Variants in KCNA3 observed in about 807,000 individuals in gnomAD.
The protein encoded by KCNA3 is potassium voltage-gated channel subfamily A member 3.
In KCNA3, 18 loss-of-function variants were observed where a neutral mutation model predicts 34.3. The observed-to-expected ratio is 0.52, with a 90% confidence interval of 0.36 to 0.78. KCNA3 has a LOEUF of 0.78. Ranked by LOEUF, KCNA3 falls within the 30% of genes least tolerant of loss-of-function variation. The pLI is 0.00. For missense variants in KCNA3, 587 were observed against 802.5 expected, an observed-to-expected ratio of 0.73 and a Z score of 3.24; for synonymous variants, 324 against 351.7, an observed-to-expected ratio of 0.92 and a Z score of 0.88.
Position 110,673,967 on chromosome 1 carries a change from C to A in KCNA3, c.843G>T (p.Thr281=), listed in dbSNP as rs753927047. The change falls in exon 1 of 1, where the codon ACG becomes ACT. Residue 281 remains threonine, a synonymous_variant. Transcript: ENST00000369769. This position sits in a 1 kb window ranked among gnomAD's most constrained non-coding sequence, Gnocchi z 8.8. ...QDSFEAAGNS[T]SGSRAGASSF... ...TGGAGGCTCCTGCGCGGGACCCCGACGTGCTGTTGCCGGCTGCTTCGAATG... is the reference window on the plus strand; with the variant it reads ...TGGAGGCTCCTGCGCGGGACCCCGAAGTGCTGTTGCCGGCTGCTTCGAATG... 5.0e-6 allele frequency: 8 copies of A among 1,613,776 alleles called. No homozygotes were observed. The African/African-American group carries it at 9.3e-5, about 19-fold the overall frequency.
At chr1:110,660,008 A>C in the KCNA3 span, among the ~76,000 whole-genome samples, 3 of 152,160 alleles carry the variant, frequency 2.0e-5, no homozygotes, top group South Asian at 2.1e-4. Flanking sequence ...GGGTGCAGCA[A>C]ACCAACATGA....
chr1:110,674,614 C>T lies in KCNA3; in HGVS notation c.196G>A (p.Val66Met). ...VPGDHLLEPE[V>M]ADGGGAPPQG... ...GGCGGGGCCCCTCCACCATCGGCCACCTCCGGCTCCAGCAGGTGGTCCCCG... is the reference window on the plus strand; with the variant it reads ...GGCGGGGCCCCTCCACCATCGGCCATCTCCGGCTCCAGCAGGTGGTCCCCG... Residue 66 changes from valine (V) to methionine (M), a missense_variant, in exon 1 of 1, where the codon GTG (valine) becomes ATG (methionine). By Grantham distance (21) the Val-to-Met change is conservative. Coordinates refer to ENST00000369769, the MANE Select transcript of KCNA3 (RefSeq NM_002232.5). The surrounding 1 kb of genome is among the most constrained non-coding windows in gnomAD (Gnocchi z 6.4). 4.5e-6 allele frequency: 7 copies of T among 1,558,098 alleles called. No homozygotes were observed. The highest frequency in any genetic ancestry group is 1.2e-5 in the South Asian group (1 of 84,322).
rs889078883 is a variant in KCNA3 at position 110,673,017 on chromosome 1, C to T, written c.*65G>A. 53 of 1,463,146 alleles carry T rather than the reference C, an allele frequency of 3.6e-5. No homozygotes were observed. Among genetic ancestry groups the T allele is most frequent in the Non-Finnish European group, 4.8e-5 (51 of 1,069,564 alleles). 90.6% of individuals were successfully genotyped at this position (1,463,146 alleles called of 1,614,324 possible). A position where few individuals can be genotyped will look rare whatever the true frequency, so the allele number is the denominator to read the frequency against. ...GGTCTGGAAATGTATAAAACAAGGG[C>T]ATAGGCAGACCAAGGGGGCACGTTC... On this transcript the variant is annotated 3_prime_UTR_variant, in exon 1 of 1. Transcript: ENST00000369769. The surrounding 1 kb of genome is among the most constrained non-coding windows in gnomAD (Gnocchi z 8.8).
downstream of KCNA3, among the ~76,000 whole-genome samples, chr1:110,670,132 A>G (rs1651830164): frequency 6.6e-6 from 1 of 152,224 alleles, no homozygotes; most frequent in Non-Finnish European, 1.5e-5. Flanking sequence ...AAATCCTGGA[A>G]ATATGACTGC....
the KCNA3 span, among the ~76,000 whole-genome samples, chr1:110,666,367 A>G: frequency 6.6e-6 from 1 of 152,330 alleles, no homozygotes; most frequent in African/African-American, 2.4e-5. Flanking sequence ...GGAGGCTGGC[A>G]GTGAAATATT....
downstream of KCNA3, among the ~76,000 whole-genome samples, chr1:110,668,259 T>C (rs1570797385): frequency 6.6e-6 from 1 of 152,136 alleles, no homozygotes; most frequent in Non-Finnish European, 1.5e-5. Context: ...CTTCAGATTA[T>C]GGGGCACGTG....
At chr1:110,662,714 T>C in the KCNA3 span, among the ~76,000 whole-genome samples, 1 of 152,146 alleles carries the variant, frequency 6.6e-6, no homozygotes, top group East Asian at 1.9e-4. Flanking sequence ...TATGTTAAGA[T>C]GTGAGCTTTT....
chr1:110,674,669 G>C lies in KCNA3; in HGVS notation c.141C>G (p.Arg47=), dbSNP rs762923954. The change falls in exon 1 of 1, where the codon CGC becomes CGG. Residue 47 remains arginine, a synonymous_variant. Coordinates refer to ENST00000369769, the MANE Select transcript of KCNA3 (RefSeq NM_002232.5). The surrounding 1 kb of genome is among the most constrained non-coding windows in gnomAD (Gnocchi z 6.4). ...CCACGGTCATGTCGGGCGGCAGCTC[G>C]CGGCCTGCGGCGGGCTCCGCGTAGC... ...NHGYAEPAAG[R]ELPPDMTVVP... is the part of the protein sequence containing the mutation. The C allele has an allele frequency of 4.0e-6, 6 of 1,512,844 alleles. No homozygotes were observed. Among genetic ancestry groups the C allele is most frequent in the Non-Finnish European group, 5.3e-6 (6 of 1,142,054 alleles). The allele number at this position is 1,512,844 out of a possible 1,614,324, so 93.7% of individuals were successfully genotyped here.
At chr1:110,658,410 A>G in the KCNA3 span, among the ~76,000 whole-genome samples, 1 of 152,206 alleles carries the variant, frequency 6.6e-6, no homozygotes, top group African/African-American at 2.4e-5. Flanking sequence ...TTTTGAAACT[A>G]AAATATGGAA....
the KCNA3 span, among the ~76,000 whole-genome samples, chr1:110,665,232 G>A: frequency 6.6e-6 from 1 of 152,226 alleles, no homozygotes; most frequent in East Asian, 1.9e-4. Flanking sequence ...TAAGAGGAAG[G>A]ATGGAAACTG....
At chr1:110,664,422 G>T in the KCNA3 span, among the ~76,000 whole-genome samples, 1 of 152,140 alleles carries the variant, frequency 6.6e-6, no homozygotes, top group Non-Finnish European at 1.5e-5. Context: ...AATATTTCTT[G>T]TGGAAAACTT....
chr1:110,672,468 T>TGG lies in KCNA3; in HGVS notation c.*612_*613dup, dbSNP rs3215042. The TGG allele has an allele frequency of 0.31, 46,729 of 152,446 alleles. 7,275 individuals carry two copies. The highest frequency in any genetic ancestry group is 0.44 in the East Asian group (2,290 of 5,154). 9.4% of individuals were successfully genotyped at this position (152,446 alleles called of 1,614,324 possible). On this transcript the variant is annotated 3_prime_UTR_variant, in exon 1 of 1. Coordinates refer to ENST00000369769, the MANE Select transcript of KCNA3 (RefSeq NM_002232.5). Reference sequence around the variant, plus strand: ...ACTAATTAGTCAGATCAGGACATCTTGGGCATTTCCCTTTATTCAAAGTTG... The same window carrying TGG: ...ACTAATTAGTCAGATCAGGACATCTTGGGGGCATTTCCCTTTATTCAAAGTTG...
At chr1:110,666,556 A>G in the KCNA3 span, among the ~76,000 whole-genome samples, 11 of 152,330 alleles carry the variant, frequency 7.2e-5, no homozygotes, top group Non-Finnish European at 1.0e-4. Flanking sequence ...CTCTATCCTA[A>G]AAACAAGAAG....
the KCNA3 span, among the ~76,000 whole-genome samples, chr1:110,663,409 G>A: frequency 6.6e-6 from 1 of 152,104 alleles, no homozygotes; most frequent in Non-Finnish European, 1.5e-5. Flanking sequence ...GTAAACTCAG[G>A]CACATATGTT....
Position 110,674,552 on chromosome 1 carries a change from G to T in KCNA3, c.258C>A (p.Tyr86Ter). ...CCGGCAGTGAGGGCGGCAGCGGCTC[G>T]TAGCGGTCGCAGCCGCCGCCGCCAC... Reference protein sequence around the residue: ...GGCGGGGCDRYEPLPPSLPAA... With the variant: ...GGCGGGGCDR Residue 86 changes from tyrosine (Y) to a stop codon, truncating the protein, a stop_gained, in exon 1 of 1, where the codon TAC becomes TAA. Coordinates refer to ENST00000369769, the MANE Select transcript of KCNA3 (RefSeq NM_002232.5). LOFTEE classifies it high-confidence loss of function. The surrounding 1 kb of genome is among the most constrained non-coding windows in gnomAD (Gnocchi z 6.4). 1.3e-6 allele frequency: 2 copies of T among 1,582,274 alleles called. No homozygotes were observed. The highest frequency in any genetic ancestry group is 2.4e-5 in the East Asian group (1 of 42,410).
the KCNA3 span, among the ~76,000 whole-genome samples, chr1:110,660,387 G>A: frequency 6.6e-6 from 1 of 152,116 alleles, no homozygotes; most frequent in Non-Finnish European, 1.5e-5. Context: ...AAAAATGTAT[G>A]TGTTAATTTT....
the KCNA3 span, among the ~76,000 whole-genome samples, chr1:110,667,113 AAATT>A: frequency 1.3e-5 from 2 of 152,066 alleles, no homozygotes; most frequent in African/African-American, 2.4e-5. Flanking sequence ...CTTCTCTTCC[AAATT>A]AATTATGTTT....
chr1:110,667,639 G>C (rs1418035283), downstream of KCNA3, among the ~76,000 whole-genome samples: 1 of 152,066 alleles, frequency 6.6e-6, no homozygotes. Flanking sequence ...CTCTTTCCCA[G>C]ATCTCTTCTT....
chr1:110,666,245 A>G, the KCNA3 span, among the ~76,000 whole-genome samples: 97,543 of 151,968 alleles, frequency 0.64, 31,392 homozygotes, highest in Non-Finnish European at 0.67. Context: ...GGCATCTTAA[A>G]TTTAATGAAC....
Sources: gnomAD v4.1 joint callset for allele counts (sites outside exome capture counted in the v4.1 genomes callset) on GRCh38, gnomAD v4.1.1 for gene constraint, Gnocchi (gnomAD v3.1) non-coding constraint, MANE v1.5 for transcripts, NCBI Gene and HGNC (gene_info 2026-07-23, HGNC 2026-07-21) for gene names.